CAPN11: variants seen among roughly 807,000 people sequenced by gnomAD.
The protein encoded by CAPN11 is calpain 11.
CAPN11 carries 108 observed loss-of-function variants against 105.3 expected under a neutral mutation model. That is an observed-to-expected ratio of 1.03 (90% CI 0.88 to 1.20). The LOEUF (loss-of-function observed/expected upper bound fraction) is 1.20, where lower values mean the gene tolerates loss of function less well. Ranked by LOEUF, CAPN11 falls within the 50% of genes most tolerant of loss-of-function variation. The pLI, the probability that CAPN11 is intolerant of heterozygous loss-of-function variation, is 0.00. For synonymous variants in CAPN11, 329 were observed against 344.5 expected (o/e 0.96, Z 0.50); for missense variants, 883 against 924.8 (o/e 0.95, Z 0.59).
At chr6:44,159,198 G>A (rs1325934447) in intron 1 of CAPN11, among the ~76,000 whole-genome samples, 2 of 152,160 alleles carry the variant, frequency 1.3e-5, no homozygotes, top group East Asian at 1.9e-4. Context: ...CCATCCCACT[G>A]TCATGGCTGC....
chr6:44,176,758 G>C, intron 10 of CAPN11, 80 bp from the exon 11 acceptor site: 3 of 1,580,294 alleles, frequency 1.9e-6, no homozygotes, highest in Non-Finnish European at 2.6e-6. Flanking sequence ...GGCTTGGGGT[G>C]GTTGTGGGGG....
In CAPN11 at chr6:44,183,733, T is replaced by C. The variant is rs766291701; in HGVS notation, c.2163T>C (p.Asn721=). 167 of 1,613,816 alleles carry C rather than the reference T, an allele frequency of 1.0e-4. No homozygotes were observed. The highest frequency in any genetic ancestry group is 4.2e-5 in the Non-Finnish European group (49 of 1,179,878). ...FTFFLTMDPK[N]TGHICLSLEQ... ...TCTTTCTAACCATGGACCCCAAGAA[T>C]ACTGGCCATATTTGCTTGAGCCTGG... The change falls in exon 22 of 23, where the codon AAT becomes AAC. Residue 721 remains asparagine (N), a synonymous_variant. Transcript: ENST00000398776.
At chr6:44,179,133 C>T (rs187215651) in intron 12 of CAPN11, among the ~76,000 whole-genome samples, 1 of 152,090 alleles carries the variant, frequency 6.6e-6, no homozygotes, top group African/African-American at 2.4e-5. Context: ...GAGTGTTCCA[C>T]GGAAAAGCAA....
At position 44,169,135 on chromosome 6, in the gene CAPN11, T is replaced by C. The variant is rs531269332; in HGVS notation, c.89-146T>C. 2.1e-5 allele frequency: 19 copies of C among 913,954 alleles called. No homozygotes were observed. The South Asian group carries it at 2.4e-4, about 11-fold the overall frequency. The allele number at this position is 913,954 out of a possible 1,614,324, so 56.6% of individuals were successfully genotyped here. A position where few individuals can be genotyped will look rare whatever the true frequency, so the allele number is the denominator to read the frequency against. On this transcript the variant is annotated intron_variant, in intron 2 of 22. Coordinates refer to ENST00000398776, the MANE Select transcript of CAPN11 (RefSeq NM_007058.4). ...TTTTTGTCGAGATGAGATCTCACCA[T>C]GTTGCCCAGGCTGGTCTCAAACTCC...
chr6:44,182,175 CATACACACTCACAT>C (rs1773775653), intron 19 of CAPN11, among the ~76,000 whole-genome samples: 1 of 53,838 alleles, frequency 1.9e-5, no homozygotes, highest in Admixed American at 1.8e-4. Context: ...CTCACACACA[CATACACACTCACAT>C]ACAGACACAA....
At chr6:44,177,993 G>A (rs568670724) in intron 12 of CAPN11, among the ~76,000 whole-genome samples, 1 of 152,180 alleles carries the variant, frequency 6.6e-6, no homozygotes, top group East Asian at 1.9e-4. Context: ...GACTAGCTAG[G>A]ACTACAGGCA....
chr6:44,170,040 G>A (rs777346104), intron 4 of CAPN11, 65 bp downstream of exon 4: 12 of 1,295,326 alleles, frequency 9.3e-6, no homozygotes, highest in Admixed American at 1.9e-5. Context: ...GTGCCAGGGT[G>A]TCTTTTGAAG....
chr6:44,160,121 C>G (rs192181306), intron 1 of CAPN11, among the ~76,000 whole-genome samples: 10 of 151,350 alleles, frequency 6.6e-5, no homozygotes, highest in Admixed American at 5.9e-4. Flanking sequence ...GGCGACACAG[C>G]GAGACTCCAT....
chr6:44,166,391 C>T (rs1200732302), intron 1 of CAPN11, among the ~76,000 whole-genome samples: 2 of 152,180 alleles, frequency 1.3e-5, no homozygotes, highest in African/African-American at 4.8e-5. Context: ...AGCCTCTGGG[C>T]CTCTGCTCCC....
intron 1 of CAPN11, among the ~76,000 whole-genome samples, chr6:44,163,407 C>A (rs143430774): frequency 9.1e-4 from 139 of 152,310 alleles, no homozygotes; most frequent in African/African-American, 3.2e-3. Flanking sequence ...CGCACCAAGG[C>A]CAGTTGACTC....
rs1266098200 is a variant in CAPN11, at chr6:44,176,235, C to A, written c.916-18C>A. On this transcript the variant is annotated intron_variant, in intron 8 of 22. Transcript: ENST00000398776. The stretch of plus-strand genomic sequence containing the variant: ...CTGACCCCATAACTCTGACCTTTAA[C>A]CACCCCCGCCCACCCAGGTCCACTA... 1 of 1,463,614 alleles carries A rather than the reference C, an allele frequency of 6.8e-7. No individual in the cohort carries two copies. Among genetic ancestry groups the A allele is most frequent in the Non-Finnish European group, 9.3e-7 (1 of 1,072,112 alleles). 90.7% of individuals were successfully genotyped at this position (1,463,614 alleles called of 1,614,324 possible).
intron 1 of CAPN11, among the ~76,000 whole-genome samples, chr6:44,164,109 T>C (rs944570765): frequency 2.0e-5 from 3 of 152,066 alleles, no homozygotes; most frequent in African/African-American, 7.2e-5. Flanking sequence ...GAGTTTGAGG[T>C]TGCAGTGAGC....
intron 4 of CAPN11, among the ~76,000 whole-genome samples, chr6:44,170,475 C>T (rs951515994): frequency 6.6e-6 from 1 of 152,102 alleles, no homozygotes; most frequent in African/African-American, 2.4e-5. Context: ...GGCAGGAGGC[C>T]CCAGTTCCTC....
In CAPN11 at chr6:44,181,335, A is replaced by T. The variant is rs572062198; in HGVS notation, c.1938+15A>T. ...AGAAATGGATGGTAAAGGGCACTAA[A>T]GGGGCAGCCTCCAGGGGTGAGGAAA... On this transcript the variant is annotated intron_variant, in intron 19 of 22. Transcript: ENST00000398776. 5.0e-6 allele frequency: 8 copies of T among 1,609,604 alleles called. No individual in the cohort carries two copies. In the African/African-American group the frequency reaches 8.1e-5, roughly 16 times the overall value.
chr6:44,176,973 C>T lies in CAPN11; in HGVS notation c.1212C>T (p.Ser404=), dbSNP rs772747787. The change falls in exon 11 of 23, where the codon TCC becomes TCT. Residue 404 remains serine, a synonymous_variant. Transcript: ENST00000398776. ...FYEGSWRRGS[S]AGGCRNHPGT... ...AGGGCAGCTGGCGCAGAGGCAGCTC[C>T]GCAGGGGGCTGCAGGAACCACCCTG... is the stretch of plus-strand genomic sequence containing the variant. The T allele has an allele frequency of 8.7e-6, 14 of 1,613,482 alleles. No individual in the cohort carries two copies. In the East Asian group the frequency reaches 1.6e-4, roughly 18 times the overall value.
At chr6:44,172,185 G>C (rs901246967) in intron 4 of CAPN11, 117 bp from the exon 5 acceptor site, 2 of 580,394 alleles carry the variant, frequency 3.4e-6, no homozygotes, top group Non-Finnish European at 5.9e-6. Flanking sequence ...CCTCTCCGCC[G>C]GGGGGGTGAG....
intron 7 of CAPN11, among the ~76,000 whole-genome samples, chr6:44,175,550 C>A (rs981961737): frequency 6.6e-6 from 1 of 151,910 alleles, no homozygotes; most frequent in Non-Finnish European, 1.5e-5. Flanking sequence ...CCGAGGTGGG[C>A]GGATCACCTG....
intron 21 of CAPN11, 102 bp downstream of exon 21, chr6:44,183,337 A>C: frequency 1.3e-6 from 1 of 745,334 alleles, no homozygotes; most frequent in Non-Finnish European, 2.4e-6. Context: ...CCTCCCCCTT[A>C]CAAGGCACAC....
At chr6:44,173,576 TTTTG>T (rs1561846138) in intron 7 of CAPN11, among the ~76,000 whole-genome samples, 190 bp downstream of exon 7, 5 of 92,956 alleles carry the variant, frequency 5.4e-5, no homozygotes, top group South Asian at 3.0e-4. Context: ...TTTTGTTTTT[TTTTG>T]TTTGTTTGTT....
Sources: allele counts gnomAD v4.1 joint callset (sites outside exome capture counted in the v4.1 genomes callset), GRCh38; gene constraint gnomAD v4.1.1; transcripts MANE v1.5; gene names NCBI Gene and HGNC (gene_info 2026-07-23, HGNC 2026-07-21).